BCAS3: variants seen among roughly 807,000 people sequenced by gnomAD.
BCAS3 encodes BCAS4/BCAS3 fusion.
BCAS3 carries 53 observed loss-of-function variants against 116.1 expected under a neutral mutation model. The ratio of observed to expected loss-of-function variants is 0.46; its 90% CI spans 0.37 to 0.57. The LOEUF is 0.57. BCAS3 is among the 20% of genes least tolerant of loss of function. BCAS3 has a pLI of 0.00. For missense variants in BCAS3, 917 were observed against 1,165.4 expected, an observed-to-expected ratio of 0.79 and a Z score of 3.10; for synonymous variants, 391 against 408.2, an observed-to-expected ratio of 0.96 and a Z score of 0.51.
intron 7 of BCAS3, among the ~76,000 whole-genome samples, chr17:60,860,396 A>G (rs763237994): frequency 1.6e-4 from 25 of 152,302 alleles, no homozygotes; most frequent in Non-Finnish European, 3.5e-4. Context: ...CCTTTGTCAG[A>G]TGCATAGTTC....
rs1286191116 is a variant in BCAS3 at position 61,126,625 on chromosome 17, A to G, written c.2425+42061A>G. Among the ~76,000 whole-genome samples the G allele has an allele frequency of 1.3e-5, 2 of 152,216 alleles. No homozygotes were observed. Among genetic ancestry groups the G allele is most frequent in the South Asian group, 2.1e-4 (1 of 4,832 alleles). On this transcript the variant is annotated intron_variant, in intron 22 of 23. Transcript: ENST00000407086. This position sits in a 1 kb window ranked among gnomAD's most constrained non-coding sequence, Gnocchi z 4.6. Reference sequence around the variant, plus strand: ...AAGTTGAGCCAGACCAGGAAAAATCAGGATACAATTTGGCACTTATGGAGA... The same window carrying G: ...AAGTTGAGCCAGACCAGGAAAAATCGGGATACAATTTGGCACTTATGGAGA...
intron 22 of BCAS3, among the ~76,000 whole-genome samples, chr17:61,093,247 A>G (rs1461281597): frequency 6.6e-6 from 1 of 152,072 alleles, no homozygotes; most frequent in Non-Finnish European, 1.5e-5. Context: ...TAGAAATTGT[A>G]TAGTTTAAGC....
At chr17:60,747,350 A>G (rs2042096403) in intron 6 of BCAS3, 71 bp downstream of exon 6, 2 of 1,239,240 alleles carry the variant, frequency 1.6e-6, no homozygotes, top group Admixed American at 3.8e-5. Context: ...GACTACAGGC[A>G]GCAAGAATGA....
intron 7 of BCAS3, among the ~76,000 whole-genome samples, chr17:60,820,720 A>G (rs1425438765): frequency 1.3e-5 from 2 of 152,208 alleles, no homozygotes; most frequent in Non-Finnish European, 2.9e-5. Flanking sequence ...TGGGGGTATA[A>G]GAAAGAGTTG....
intron 7 of BCAS3, among the ~76,000 whole-genome samples, chr17:60,863,901 T>G (rs765946599): frequency 6.6e-6 from 1 of 152,248 alleles, no homozygotes; most frequent in Non-Finnish European, 1.5e-5. Flanking sequence ...ATAATCTTTT[T>G]GCTGATGGAG....
chr17:60,977,014 C>T (rs1330983046), intron 14 of BCAS3, among the ~76,000 whole-genome samples: 1 of 151,992 alleles, frequency 6.6e-6, no homozygotes, highest in Admixed American at 6.6e-5. Flanking sequence ...GACGGGGCGG[C>T]CGGGCAGAGG....
chr17:61,081,270 G>A (rs2072577174), intron 21 of BCAS3, among the ~76,000 whole-genome samples: 2 of 152,096 alleles, frequency 1.3e-5, no homozygotes, highest in Non-Finnish European at 2.9e-5. Context: ...GCCCTGTGCT[G>A]TACTTTTTCT....
chr17:61,078,555 T>A (rs2072243876), intron 21 of BCAS3, 26 bp downstream of exon 21: 1 of 1,578,098 alleles, frequency 6.3e-7, no homozygotes, highest in African/African-American at 1.4e-5. Context: ...TAGGGAGTGA[T>A]TTGAACAAAA....
At chr17:61,107,925 A>G (rs567182098) in intron 22 of BCAS3, among the ~76,000 whole-genome samples, 20 of 152,332 alleles carry the variant, frequency 1.3e-4, no homozygotes, top group African/African-American at 4.3e-4. Flanking sequence ...TTAATTTTTC[A>G]AGAAACTTCC....
chr17:61,388,700 T>A lies in BCAS3; in HGVS notation c.2594-3277T>A. The A allele has an allele frequency of 1.9e-6, 3 of 1,549,610 alleles. No homozygotes were observed. The highest frequency in any genetic ancestry group is 2.6e-6 in the Non-Finnish European group (3 of 1,155,494). On this transcript the variant is annotated intron_variant, in intron 23 of 23. Transcript: ENST00000407086. This position sits in a 1 kb window ranked among gnomAD's most constrained non-coding sequence, Gnocchi z 6.5. Reference sequence around the variant, plus strand: ...ACAGTAACAAAGCATGCGTTCGGGATGGAGGAAGGTAAGGCCACACGTTTC... The same window carrying A: ...ACAGTAACAAAGCATGCGTTCGGGAAGGAGGAAGGTAAGGCCACACGTTTC...
chr17:60,868,700 G>T lies in BCAS3; in HGVS notation c.584+17G>T. On this transcript the variant is annotated intron_variant, in intron 8 of 23. Coordinates refer to ENST00000407086, the MANE Select transcript of BCAS3 (RefSeq NM_017679.5). ...CAATAAACGGTAAGGATTTTTTCAT[G>T]GGTTTCTTGTGTAAAATAAGAAACA... The T allele has an allele frequency of 6.7e-7, 1 of 1,482,228 alleles. No individual in the cohort carries two copies. Among genetic ancestry groups the T allele is most frequent in the Non-Finnish European group, 9.2e-7 (1 of 1,089,066 alleles). 91.8% of individuals were successfully genotyped at this position (1,482,228 alleles called of 1,614,324 possible).
chr17:61,022,118 A>G (rs1433254868), intron 16 of BCAS3, among the ~76,000 whole-genome samples: 1 of 152,238 alleles, frequency 6.6e-6, no homozygotes, highest in Admixed American at 6.5e-5. Flanking sequence ...TATGCAATAT[A>G]TTTAACATAG....
At chr17:60,692,471 T>C (rs2034969575) in intron 4 of BCAS3, among the ~76,000 whole-genome samples, 1 of 152,148 alleles carries the variant, frequency 6.6e-6, no homozygotes, top group African/African-American at 2.4e-5. Context: ...CTCGATCTCC[T>C]GACCTCGTGA....
intron 22 of BCAS3, among the ~76,000 whole-genome samples, chr17:61,262,067 G>A (rs528500023): frequency 8.4e-4 from 128 of 152,172 alleles, no homozygotes; most frequent in African/African-American, 3.0e-3. Flanking sequence ...GAAGAAAATA[G>A]GACACAGCTG....
rs2074622555 is a variant in BCAS3 at position 61,105,978 on chromosome 17, T to A, written c.2425+21414T>A. 6.6e-6 allele frequency among the ~76,000 whole-genome samples: 1 copy of A among 152,196 alleles called. No individual in the cohort carries two copies. The highest frequency in any genetic ancestry group is 2.4e-5 in the African/African-American group (1 of 41,440). On this transcript the variant is annotated intron_variant, in intron 22 of 23. Transcript: ENST00000407086. The surrounding 1 kb of genome is among the most constrained non-coding windows in gnomAD (Gnocchi z 4.3). Reference sequence around the variant, plus strand: ...AGCATCCCTCCCAGACCGTGAATCATCCCTTTGTCTGGCATCTCCAGGCTG... The same window carrying A: ...AGCATCCCTCCCAGACCGTGAATCAACCCTTTGTCTGGCATCTCCAGGCTG...
intron 13 of BCAS3, 23 bp downstream of exon 13, chr17:60,924,523 T>TTA (rs746188367): frequency 3.9e-6 from 6 of 1,533,018 alleles, no homozygotes; most frequent in Non-Finnish European, 5.3e-6. Context: ...TCTGTCTTTT[T>TTA]TTTTTTTTTT....
chr17:60,784,477 G>C (rs1382575116), intron 6 of BCAS3, among the ~76,000 whole-genome samples: 13 of 140,728 alleles, frequency 9.2e-5, no homozygotes. Flanking sequence ...TTTTTTTTTT[G>C]TATTTTTAGT....
chr17:61,376,116 G>A lies in BCAS3; in HGVS notation c.2593+7622G>A, dbSNP rs547816292. ...ATCCTACTGGCCCAACTCATTGCAA[G>A]GCCATGGAAATAGGAACTGACAGTG... On this transcript the variant is annotated intron_variant, in intron 23 of 23. Coordinates refer to ENST00000407086, the MANE Select transcript of BCAS3 (RefSeq NM_017679.5). This position sits in a 1 kb window ranked among gnomAD's most constrained non-coding sequence, Gnocchi z 4.5. 4.6e-5 allele frequency among the ~76,000 whole-genome samples: 7 copies of A among 152,274 alleles called. No homozygotes were observed. In the East Asian group the frequency reaches 1.4e-3, roughly 29 times the overall value.
chr17:60,801,437 T>G (rs1163674774), intron 6 of BCAS3, among the ~76,000 whole-genome samples: 2 of 152,112 alleles, frequency 1.3e-5, no homozygotes, highest in African/African-American at 4.8e-5. Context: ...ATGTTATCTG[T>G]AAATAGGGAG....
Sources: allele counts gnomAD v4.1 joint callset (sites outside exome capture counted in the v4.1 genomes callset), GRCh38; gene constraint gnomAD v4.1.1; non-coding constraint Gnocchi (gnomAD v3.1); transcripts MANE v1.5; gene names NCBI Gene and HGNC (gene_info 2026-07-23, HGNC 2026-07-21).